The following EYS variants were observed in gnomAD, a reference collection of about 807,000 sequenced individuals.
EYS encodes protein eyes shut homolog.
Under a neutral mutation model 282.1 loss-of-function variants are expected in EYS, and 250 were observed. That is an observed-to-expected ratio of 0.89 (90% confidence interval 0.80 to 0.98). EYS has a LOEUF of 0.98. Ranked by LOEUF, EYS falls within the 50% of genes least tolerant of loss-of-function variation. EYS has a pLI of 0.00. For missense variants in EYS, 4,016 were observed against 3,709.0 expected, an observed-to-expected ratio of 1.08 and a Z score of -2.15; for synonymous variants, 1,355 against 1,282.9, an observed-to-expected ratio of 1.06 and a Z score of -1.20.
At chr6:64,970,303 A>G (rs1033250499) in intron 14 of EYS, among the ~76,000 whole-genome samples, 2 of 152,156 alleles carry the variant, frequency 1.3e-5, no homozygotes, top group African/African-American at 2.4e-5. Flanking sequence ...CACAGATCAT[A>G]CATAGTGCTC....
At chr6:64,729,297 A>G (rs1771877096) in intron 22 of EYS, among the ~76,000 whole-genome samples, 1 of 152,108 alleles carries the variant, frequency 6.6e-6, no homozygotes, top group Non-Finnish European at 1.5e-5. Context: ...AAATTATATT[A>G]TTGCTTAACA....
intron 2 of EYS, among the ~76,000 whole-genome samples, chr6:65,600,292 A>T (rs1159195077): frequency 6.6e-6 from 1 of 151,986 alleles, no homozygotes; most frequent in Admixed American, 6.6e-5. Flanking sequence ...TGCATTGCTA[A>T]GTAATTATAG....
chr6:64,580,698 T>C (rs1020395343), intron 26 of EYS, among the ~76,000 whole-genome samples: 2 of 152,168 alleles, frequency 1.3e-5, no homozygotes, highest in Non-Finnish European at 2.9e-5. Context: ...TTTATGTGTA[T>C]ATTATTTTTT....
At chr6:64,432,920 A>T (rs1427306614) in intron 28 of EYS, among the ~76,000 whole-genome samples, 1 of 152,012 alleles carries the variant, frequency 6.6e-6, no homozygotes, top group African/African-American at 2.4e-5. Flanking sequence ...CACTAAAATA[A>T]TTTTTAGTAT....
At chr6:63,960,378 T>A (rs1216158939) in intron 35 of EYS, among the ~76,000 whole-genome samples, 3 of 152,204 alleles carry the variant, frequency 2.0e-5, no homozygotes, top group Non-Finnish European at 2.9e-5. Context: ...TTGCTTCTTA[T>A]AAATGAGCAA....
intron 2 of EYS, among the ~76,000 whole-genome samples, chr6:65,556,734 GT>G (rs1363919250): frequency 6.6e-6 from 1 of 151,976 alleles, no homozygotes; most frequent in African/African-American, 2.4e-5. Context: ...TATGTCTTTA[GT>G]TTTTTCAGGT....
chr6:63,852,597 A>G (rs573842025), intron 36 of EYS, among the ~76,000 whole-genome samples: 15 of 152,330 alleles, frequency 9.8e-5, no homozygotes, highest in East Asian at 1.9e-4. Flanking sequence ...ATTCTAAACA[A>G]TAGAAGAAGA....
intron 22 of EYS, among the ~76,000 whole-genome samples, chr6:64,681,022 T>A (rs1769876565): frequency 6.6e-6 from 1 of 152,120 alleles, no homozygotes; most frequent in Non-Finnish European, 1.5e-5. Context: ...CCAATTAGCT[T>A]ACTGGAGAGA....
At position 65,354,542 on chromosome 6, in the gene EYS, G is replaced by A. The variant is rs547687125; in HGVS notation, c.1300-925C>T. Among the ~76,000 whole-genome samples, 272 of 152,162 alleles carry A rather than the reference G, an allele frequency of 1.8e-3. 2 individuals carry two copies. The highest frequency in any genetic ancestry group is 0.014 in the Middle Eastern group (4 of 294). ...GAGGAAAAAAAAAAATTGGCGAGGC[G>A]TGGTGCCTCATGCCTGTAATCCTAG... On this transcript the variant is annotated intron_variant, in intron 8 of 42. Coordinates refer to ENST00000503581, the MANE Select transcript of EYS (RefSeq NM_001142800.2).
Position 64,822,585 on chromosome 6 carries a change from T to A in EYS, c.3164+66A>T, listed in dbSNP as rs535341699. 29 of 1,242,746 alleles carry A rather than the reference T, an allele frequency of 2.3e-5. 1 individual carries two copies. The South Asian group carries it at 3.8e-4, about 16-fold the overall frequency. The allele number at this position is 1,242,746 out of a possible 1,614,324, so 77.0% of individuals were successfully genotyped here. A position where few individuals can be genotyped will look rare whatever the true frequency, so the allele number is the denominator to read the frequency against. ...ATTATCTTTATCAACTTTCCCTTGA[T>A]GTTAAGTCTTAAATATTGTGAGTTA... On this transcript the variant is annotated intron_variant, in intron 20 of 42. Transcript: ENST00000503581.
intron 26 of EYS, among the ~76,000 whole-genome samples, chr6:64,535,890 T>A (rs562730962): frequency 4.8e-4 from 73 of 152,164 alleles, no homozygotes; most frequent in Non-Finnish European, 9.6e-4. Context: ...AATATTAAGT[T>A]CAAGAACATT....
intron 31 of EYS, among the ~76,000 whole-genome samples, chr6:64,108,475 A>G (rs1235083370): frequency 6.8e-6 from 1 of 146,702 alleles, no homozygotes; most frequent in South Asian, 2.1e-4. Flanking sequence ...AGCTCCTTAC[A>G]TAATGGACTG....
intron 22 of EYS, among the ~76,000 whole-genome samples, chr6:64,681,668 C>T (rs886340982): frequency 1.3e-5 from 2 of 151,964 alleles, no homozygotes; most frequent in East Asian, 1.9e-4. Flanking sequence ...CTGAGGCGGG[C>T]GCATCACAAG....
chr6:64,158,010 T>A (rs903214291), intron 31 of EYS, among the ~76,000 whole-genome samples: 2 of 152,084 alleles, frequency 1.3e-5, no homozygotes, highest in African/African-American at 4.8e-5. Context: ...TGACAACCTG[T>A]GAAAGCAGCT....
At chr6:65,430,241 A>T (rs1056264785) in intron 5 of EYS, among the ~76,000 whole-genome samples, 8 of 152,150 alleles carry the variant, frequency 5.3e-5, no homozygotes, top group African/African-American at 1.9e-4. Flanking sequence ...TTAACTTCAT[A>T]TCACTGAAAG....
At chr6:65,364,749 C>T (rs1764850167) in intron 8 of EYS, among the ~76,000 whole-genome samples, 2 of 151,628 alleles carry the variant, frequency 1.3e-5, no homozygotes, top group Non-Finnish European at 2.9e-5. Context: ...AACATCTTTA[C>T]TTAAAGAGAT....
At chr6:65,008,501 C>G (rs2144709) in intron 13 of EYS, among the ~76,000 whole-genome samples, 1 of 152,074 alleles carries the variant, frequency 6.6e-6, no homozygotes, top group Admixed American at 6.5e-5. Flanking sequence ...GGCCCTCAGG[C>G]AAGCGGACTT....
At chr6:64,873,101 G>A (rs1766644400) in intron 19 of EYS, among the ~76,000 whole-genome samples, 1 of 152,106 alleles carries the variant, frequency 6.6e-6, no homozygotes, top group South Asian at 2.1e-4. Flanking sequence ...AGAATGAATG[G>A]GCAATTTACA....
At chr6:63,735,668 T>C (rs189520045) in intron 41 of EYS, among the ~76,000 whole-genome samples, 1 of 152,122 alleles carries the variant, frequency 6.6e-6, no homozygotes, top group Non-Finnish European at 1.5e-5. Context: ...GGAGTCAACA[T>C]TGATACAACA....
Sources: allele counts gnomAD v4.1 joint callset (sites outside exome capture counted in the v4.1 genomes callset), GRCh38; gene constraint gnomAD v4.1.1; transcripts MANE v1.5; gene names NCBI Gene and HGNC (gene_info 2026-07-23, HGNC 2026-07-21).